Variants in TMTC3 observed in about 807,000 individuals in gnomAD.
The protein encoded by TMTC3 is transmembrane O-mannosyltransferase targeting cadherins 3.
TMTC3 carries 52 observed loss-of-function variants against 92.2 expected under a neutral mutation model. The ratio of observed to expected loss-of-function variants is 0.56; its 90% CI spans 0.45 to 0.71. The LOEUF is 0.71. TMTC3 is among the 30% of genes least tolerant of loss of function. The probability of loss-of-function intolerance (pLI) is 0.00; values close to 1 mark genes in which losing one functional copy is unlikely to be tolerated. For synonymous variants in TMTC3, 339 were observed against 363.3 expected (o/e 0.93, Z 0.76); for missense variants, 896 against 1,057.1 (o/e 0.85, Z 2.11).
At chr12:88,153,580 T>A in intron 3 of TMTC3, 71 bp downstream of exon 3, 1 of 807,176 alleles carries the variant, frequency 1.2e-6, no homozygotes, top group Non-Finnish European at 1.8e-6. Context: ...ATTATAATGG[T>A]ATATATTTTT....
rs994349984 is a variant in TMTC3, at chr12:88,191,662, G to C, written c.1707-942G>C. 3.6e-4 allele frequency among the ~76,000 whole-genome samples: 55 copies of C among 152,188 alleles called. No individual in the cohort carries two copies. In the Middle Eastern group the frequency reaches 0.01, roughly 28 times the overall value. ...GTTCCTCAAAGTTATCTACAGGTCA[G>C]ATTAATCCCTCCCACTCTACCTGTT... On this transcript the variant is annotated intron_variant, in intron 12 of 13. Transcript: ENST00000266712.
In TMTC3 at chr12:88,194,947, C is replaced by T; in HGVS notation, c.2043C>T (p.Asp681=). The change falls in exon 14 of 14, where the codon GAC becomes GAT. Residue 681 remains aspartate, a synonymous_variant. Transcript: ENST00000266712. The stretch of plus-strand genomic sequence containing the variant: ...ATTTGGGAATGCTTGCCATGGATGA[C>T]AAAAAGGACAATGAAGCAGAGATTT... ...YFNLGMLAMD[D]KKDNEAEIWM... 6.2e-7 allele frequency: 1 copy of T among 1,613,546 alleles called. No individual in the cohort carries two copies.
intron 1 of TMTC3, among the ~76,000 whole-genome samples, chr12:88,146,330 A>T (rs1178135536): frequency 6.6e-6 from 1 of 152,088 alleles, no homozygotes; most frequent in East Asian, 1.9e-4. Context: ...TTGAATAATA[A>T]TTTTTAAAAT....
intron 4 of TMTC3, among the ~76,000 whole-genome samples, chr12:88,159,218 C>T (rs925413639): frequency 3.9e-5 from 6 of 152,082 alleles, no homozygotes; most frequent in Non-Finnish European, 7.4e-5. Flanking sequence ...AATGAACTTT[C>T]ACAGTTCATT....
chr12:88,193,138 TTA>T (rs1173517212), intron 13 of TMTC3, among the ~76,000 whole-genome samples: 2 of 152,120 alleles, frequency 1.3e-5, no homozygotes, highest in African/African-American at 4.8e-5. Context: ...ATAATGTAAC[TTA>T]TATATAAACT....
chr12:88,174,460 G>A (rs963948904), intron 8 of TMTC3, 147 bp from the exon 9 acceptor site: 3 of 898,494 alleles, frequency 3.3e-6, no homozygotes, highest in Non-Finnish European at 3.2e-6. Flanking sequence ...ATCCTCTAAA[G>A]TTGGGTGTTC....
At chr12:88,194,254 AATTTT>A (rs2041479870) in intron 13 of TMTC3, among the ~76,000 whole-genome samples, 1 of 152,044 alleles carries the variant, frequency 6.6e-6, no homozygotes, top group Non-Finnish European at 1.5e-5. Context: ...CCTAAATCCT[AATTTT>A]ATAGCCCTAT....
chr12:88,155,912 C>T (rs77990800), intron 4 of TMTC3, among the ~76,000 whole-genome samples: 10,548 of 152,054 alleles, frequency 0.069, 1,244 homozygotes, highest in African/African-American at 0.24. Context: ...AGTTTGAGAC[C>T]AGCCTGGGCC....
intron 7 of TMTC3, among the ~76,000 whole-genome samples, chr12:88,171,942 T>G (rs2041209559): frequency 6.6e-6 from 1 of 152,104 alleles, no homozygotes; most frequent in East Asian, 1.9e-4. Context: ...TTCACTTCCT[T>G]AATGATAGTG....
At chr12:88,186,252 AAATG>A (rs1211323911) in intron 10 of TMTC3, among the ~76,000 whole-genome samples, 1 of 152,190 alleles carries the variant, frequency 6.6e-6, no homozygotes, top group Non-Finnish European at 1.5e-5. Context: ...CATTTCAAAT[AAATG>A]GTGACTGTAA....
In TMTC3 at chr12:88,176,163, AT is replaced by A. The variant is rs555631918; in HGVS notation, c.1321-36del. On this transcript the variant is annotated intron_variant, in intron 9 of 13. Transcript: ENST00000266712. The stretch of plus-strand genomic sequence containing the variant: ...ACAAATATCTGTATGAACTGGAGTC[AT>A]TTTTTTTTAATTGTAACTTTTTCTA... The A allele has an allele frequency of 4.3e-3, 5,474 of 1,277,242 alleles. 10 individuals are homozygous for A. The highest frequency in any genetic ancestry group is 5.1e-3 in the Non-Finnish European group (4,673 of 909,962). The allele number at this position is 1,277,242 out of a possible 1,614,324, so 79.1% of individuals were successfully genotyped here. A position where few individuals can be genotyped will look rare whatever the true frequency, so the allele number is the denominator to read the frequency against.
chr12:88,172,954 T>A, intron 8 of TMTC3: 2 of 1,459,414 alleles, frequency 1.4e-6, no homozygotes, highest in Non-Finnish European at 1.8e-6. Context: ...TTTATGTAAT[T>A]TGATTTTACA....
In TMTC3 at chr12:88,173,550, A is replaced by G. The variant is rs935745079; in HGVS notation, c.1199+805A>G. ...CTGTAAAAAGTATTTGTCCTGATTA[A>G]TTCTTCTGGCTGCACCTGCTCTTTG... On this transcript the variant is annotated intron_variant, in intron 8 of 13. Transcript: ENST00000266712. 3.3e-5 allele frequency among the ~76,000 whole-genome samples: 5 copies of G among 152,156 alleles called. No individual in the cohort carries two copies. The East Asian group carries it at 7.7e-4, about 23-fold the overall frequency.
At chr12:88,160,288 C>T in intron 5 of TMTC3, 59 bp downstream of exon 5, 1 of 963,848 alleles carries the variant, frequency 1.0e-6, no homozygotes, top group Non-Finnish European at 1.5e-6. Context: ...CTAGTTGAAT[C>T]AAATTTTATT....
At chr12:88,144,686 A>G (rs900254300) in intron 1 of TMTC3, among the ~76,000 whole-genome samples, 4 of 152,202 alleles carry the variant, frequency 2.6e-5, no homozygotes, top group Non-Finnish European at 4.4e-5. Flanking sequence ...TCTTTAACTC[A>G]TTCTAACAGT....
At chr12:88,170,080 A>G (rs375357589) in intron 7 of TMTC3, among the ~76,000 whole-genome samples, 17 of 152,226 alleles carry the variant, frequency 1.1e-4, no homozygotes, top group African/African-American at 4.1e-4. Flanking sequence ...ATTTAAGGAC[A>G]GTTTATGCTA....
At chr12:88,191,140 G>A (rs1051790471) in intron 12 of TMTC3, among the ~76,000 whole-genome samples, 2 of 152,090 alleles carry the variant, frequency 1.3e-5, no homozygotes, top group African/African-American at 4.8e-5. Flanking sequence ...GAGGAAAAAT[G>A]TGTTTTTAAA....
intron 6 of TMTC3, among the ~76,000 whole-genome samples, 183 bp downstream of exon 6, chr12:88,161,034 C>A (rs2041072278): frequency 6.6e-6 from 1 of 151,986 alleles, no homozygotes; most frequent in Non-Finnish European, 1.5e-5. Flanking sequence ...TATGTATACA[C>A]CCTTAAAGCC....
At chr12:88,171,275 G>A (rs750244810) in intron 7 of TMTC3, among the ~76,000 whole-genome samples, 5 of 151,952 alleles carry the variant, frequency 3.3e-5, no homozygotes, top group South Asian at 4.2e-4. Context: ...TTTACCACAC[G>A]CACATAAGTT....
Sources: gnomAD v4.1 joint callset for allele counts (sites outside exome capture counted in the v4.1 genomes callset) on GRCh38, gnomAD v4.1.1 for gene constraint, MANE v1.5 for transcripts, NCBI Gene and HGNC (gene_info 2026-07-23, HGNC 2026-07-21) for gene names.